TENM4: variants seen among roughly 807,000 people sequenced by gnomAD.
TENM4 encodes teneurin-4.
TENM4 carries 82 observed loss-of-function variants against 243.3 expected under a neutral mutation model. The ratio of observed to expected loss-of-function variants is 0.34; its 90% CI spans 0.28 to 0.40. The LOEUF is 0.40. Ranked by LOEUF, TENM4 falls within the 10% of genes least tolerant of loss-of-function variation. TENM4 has a pLI of 1.00. For synonymous variants in TENM4, 1,412 were observed against 1,456.3 expected, an observed-to-expected ratio of 0.97 and a Z score of 0.69; for missense variants, 3,138 against 3,673.3, an observed-to-expected ratio of 0.85 and a Z score of 3.77.
At chr11:78,751,968 G>A (rs1856200234) in intron 19 of TENM4, among the ~76,000 whole-genome samples, 1 of 152,186 alleles carries the variant, frequency 6.6e-6, no homozygotes, top group African/African-American at 2.4e-5. Flanking sequence ...CTAGGCAGAT[G>A]GGACCCGGGC....
chr11:78,727,554 GT>G (rs576281219), intron 22 of TENM4, among the ~76,000 whole-genome samples: 30 of 152,178 alleles, frequency 2.0e-4, no homozygotes, highest in African/African-American at 7.2e-4. Context: ...CGACTATGGT[GT>G]TTTTTAAATT....
At chr11:78,898,114 T>A (rs920569373) in intron 7 of TENM4, among the ~76,000 whole-genome samples, 3 of 152,084 alleles carry the variant, frequency 2.0e-5, no homozygotes, top group Non-Finnish European at 4.4e-5. Flanking sequence ...CCAGAATGGA[T>A]CACAGATGCA....
intron 6 of TENM4, among the ~76,000 whole-genome samples, chr11:78,904,350 ACT>A (rs1856013330): frequency 6.8e-6 from 1 of 147,130 alleles, no homozygotes; most frequent in East Asian, 1.9e-4. Context: ...ACAGAGCAAG[ACT>A]CTGTCTCAAA....
At chr11:79,016,408 A>C (rs1485745740) in intron 6 of TENM4, among the ~76,000 whole-genome samples, 1 of 152,150 alleles carries the variant, frequency 6.6e-6, no homozygotes, top group East Asian at 1.9e-4. Flanking sequence ...AACTTGGGCG[A>C]GTGGGTAGAT....
At chr11:78,900,053 G>T (rs1041262113) in intron 7 of TENM4, among the ~76,000 whole-genome samples, 3 of 152,180 alleles carry the variant, frequency 2.0e-5, no homozygotes, top group South Asian at 2.1e-4. Flanking sequence ...TCCTTCAAAT[G>T]AGTCCAGTTG....
chr11:79,122,900 G>C (rs1465049842), intron 4 of TENM4, among the ~76,000 whole-genome samples: 1 of 152,216 alleles, frequency 6.6e-6, no homozygotes, highest in Non-Finnish European at 1.5e-5. Flanking sequence ...ATTAATAATA[G>C]ATGTGCTGGA....
intron 18 of TENM4, among the ~76,000 whole-genome samples, chr11:78,759,425 A>G (rs1856384688): frequency 6.6e-6 from 1 of 152,230 alleles, no homozygotes; most frequent in Non-Finnish European, 1.5e-5. Flanking sequence ...GACATTGACC[A>G]TTAAATCAGC....
At chr11:79,437,710 G>T (rs569068380) in intron 1 of TENM4, among the ~76,000 whole-genome samples, 1 of 152,250 alleles carries the variant, frequency 6.6e-6, no homozygotes, top group East Asian at 1.9e-4. Context: ...GCGCGGGCCC[G>T]GCTCGCCGGG....
Position 78,934,158 on chromosome 11 carries a change from G to C in TENM4, c.494-30635C>G, listed in dbSNP as rs376732601. ...AGGGAATGCTGCCTGGGGAGATCCT[G>C]CAGAAAGACAGAGTGGGGCTGTAGT... On this transcript the variant is annotated intron_variant, in intron 6 of 33. Transcript: ENST00000278550. 9.2e-5 allele frequency among the ~76,000 whole-genome samples: 14 copies of C among 152,340 alleles called. No homozygotes were observed. The East Asian group carries it at 2.7e-3, about 29-fold the overall frequency.
At chr11:79,038,704 G>A (rs1331612729) in intron 6 of TENM4, among the ~76,000 whole-genome samples, 1 of 152,166 alleles carries the variant, frequency 6.6e-6, no homozygotes, top group African/African-American at 2.4e-5. Context: ...AACCCTATTT[G>A]GGGGAAACAG....
chr11:79,006,256 A>G (rs714694), intron 6 of TENM4, among the ~76,000 whole-genome samples: 56,635 of 151,864 alleles, frequency 0.37, 11,107 homozygotes, highest in African/African-American at 0.49. Context: ...TCAGTTAGAA[A>G]TTGCAACCCC....
intron 28 of TENM4, among the ~76,000 whole-genome samples, chr11:78,689,219 C>T (rs998489579): frequency 6.6e-6 from 1 of 152,244 alleles, no homozygotes; most frequent in African/African-American, 2.4e-5. Context: ...CCACCTGCCT[C>T]TCTGTCTTCA....
In TENM4 at chr11:79,200,511, C is replaced by G. The variant is rs144282170; in HGVS notation, c.-163+15297G>C. On this transcript the variant is annotated intron_variant, in intron 3 of 33. Coordinates refer to ENST00000278550, the MANE Select transcript of TENM4 (RefSeq NM_001098816.3). Reference sequence around the variant, plus strand: ...TGGCCCAGGAAGGGCAAGGGTCATCCAAAGTCACACATCAGAGCAATGCAG... The same window carrying G: ...TGGCCCAGGAAGGGCAAGGGTCATCGAAAGTCACACATCAGAGCAATGCAG... Among the ~76,000 whole-genome samples, 63 of 152,318 alleles carry G rather than the reference C, an allele frequency of 4.1e-4. No individual in the cohort carries two copies. The Middle Eastern group carries it at 0.01, about 25-fold the overall frequency.
chr11:78,912,898 A>G (rs1295581586), intron 6 of TENM4, among the ~76,000 whole-genome samples: 1 of 152,214 alleles, frequency 6.6e-6, no homozygotes, highest in African/African-American at 2.4e-5. Flanking sequence ...CTCACAACAT[A>G]TACTCCACCA....
chr11:79,029,497 A>C (rs1859170571), intron 6 of TENM4, among the ~76,000 whole-genome samples: 1 of 152,118 alleles, frequency 6.6e-6, no homozygotes, highest in South Asian at 2.1e-4. Flanking sequence ...CATGTTCTCT[A>C]CTTTCTGAAT....
At chr11:78,739,706 T>C (rs1193787862) in intron 19 of TENM4, among the ~76,000 whole-genome samples, 1 of 152,118 alleles carries the variant, frequency 6.6e-6, no homozygotes, top group East Asian at 1.9e-4. Flanking sequence ...AATGAAAAGA[T>C]CTACGCTGGA....
intron 2 of TENM4, among the ~76,000 whole-genome samples, chr11:79,225,625 T>TAC (rs778458890): frequency 1.3e-5 from 2 of 152,260 alleles, no homozygotes; most frequent in South Asian, 2.1e-4. Flanking sequence ...ACCAGAGGCA[T>TAC]ACACCACCAT....
In TENM4 at chr11:79,403,680, T is replaced by TTCCCTCAAC. The variant is rs138529973; in HGVS notation, c.-321+36820_-321+36828dup. Among the ~76,000 whole-genome samples the TTCCCTCAAC allele has an allele frequency of 1.4e-3, 219 of 152,230 alleles. 2 individuals carry two copies. In the East Asian group the frequency reaches 0.033, roughly 23 times the overall value. On this transcript the variant is annotated intron_variant, in intron 1 of 33. Coordinates refer to ENST00000278550, the MANE Select transcript of TENM4 (RefSeq NM_001098816.3). ...CCCATTCCTCCCACCCCCAGTTGTC[T>TTCCCTCAAC]TCCCTCAACCACTATCCACTCCACA...
intron 3 of TENM4, among the ~76,000 whole-genome samples, chr11:79,152,067 C>T (rs1862521878): frequency 6.6e-6 from 1 of 152,204 alleles, no homozygotes; most frequent in South Asian, 2.1e-4. Context: ...AGAGTACGTG[C>T]TAAATAAACA....
Sources: gnomAD v4.1 joint callset for allele counts (sites outside exome capture counted in the v4.1 genomes callset) on GRCh38, gnomAD v4.1.1 for gene constraint, MANE v1.5 for transcripts, NCBI Gene and HGNC (gene_info 2026-07-23, HGNC 2026-07-21) for gene names.